The following PEX14 variants were observed in gnomAD, a reference collection of about 807,000 sequenced individuals.
PEX14 encodes peroxisomal biogenesis factor 14, also known as peroxisomal membrane protein PEX14.
In PEX14, 15 loss-of-function variants were observed where a neutral mutation model predicts 49.5. That is an observed-to-expected ratio of 0.30 (90% CI 0.20 to 0.47). The LOEUF (loss-of-function observed/expected upper bound fraction) is 0.47. Ranked by LOEUF, PEX14 falls within the 20% of genes least tolerant of loss-of-function variation. The pLI, the probability that PEX14 is intolerant of heterozygous loss-of-function variation, is 1.00. For missense variants in PEX14, 398 were observed against 494.8 expected (o/e 0.80, Z 1.86); for synonymous variants, 210 against 212.7 (o/e 0.99, Z 0.11).
At chr1:10,617,719 C>G (rs1570358221) in intron 4 of PEX14, among the ~76,000 whole-genome samples, 2 of 152,190 alleles carry the variant, frequency 1.3e-5, no homozygotes, top group African/African-American at 4.8e-5. Flanking sequence ...ACCCCCATCC[C>G]TTTTGATAGG....
rs927431636 is a variant in PEX14, at chr1:10,514,967, C to T, written c.84+19646C>T. Among the ~76,000 whole-genome samples the T allele has an allele frequency of 6.6e-6, 1 of 152,128 alleles. No individual in the cohort carries two copies. The highest frequency in any genetic ancestry group is 1.5e-5 in the Non-Finnish European group (1 of 68,024). On this transcript the variant is annotated intron_variant, in intron 2 of 8. Coordinates refer to ENST00000356607, the MANE Select transcript of PEX14 (RefSeq NM_004565.3). This position sits in a 1 kb window ranked among gnomAD's most constrained non-coding sequence, Gnocchi z 4.4. ...AAAGGAGGGAGAAAATCTCCTTGGG[C>T]AAATGCTTGCCACTCCCCTGCCGCC...
chr1:10,573,965 G>T (rs150384468), intron 3 of PEX14, among the ~76,000 whole-genome samples: 1 of 152,202 alleles, frequency 6.6e-6, no homozygotes, highest in Non-Finnish European at 1.5e-5. Context: ...ACTGGGTGTT[G>T]TGGTGCATAC....
chr1:10,543,555 G>A (rs1464321315), intron 3 of PEX14, among the ~76,000 whole-genome samples: 2 of 152,164 alleles, frequency 1.3e-5, no homozygotes, highest in African/African-American at 4.8e-5. Flanking sequence ...GGATTGGCGT[G>A]TGAGGAAAAA....
chr1:10,488,318 G>A (rs1489884535), intron 1 of PEX14, among the ~76,000 whole-genome samples: 3 of 151,640 alleles, frequency 2.0e-5, no homozygotes, highest in African/African-American at 7.3e-5. Context: ...CACCATGCTC[G>A]GCTAATTTTT....
intron 2 of PEX14, among the ~76,000 whole-genome samples, chr1:10,530,937 T>C (rs1638631803): frequency 6.6e-6 from 1 of 152,246 alleles, no homozygotes; most frequent in Non-Finnish European, 1.5e-5. Context: ...TCTTCTACTC[T>C]GGTTTAGGAT....
At chr1:10,577,545 TATATATATATATATATA>T (rs1465633818) in intron 3 of PEX14, among the ~76,000 whole-genome samples, 45 of 6,542 alleles carry the variant, frequency 6.9e-3, no homozygotes, top group East Asian at 0.018. Context: ...TATATATATA[TATATATATATATATATA>T]TTTTTTTTTT....
intron 3 of PEX14, among the ~76,000 whole-genome samples, chr1:10,553,099 C>A (rs1046846695): frequency 6.6e-6 from 1 of 152,080 alleles, no homozygotes; most frequent in Non-Finnish European, 1.5e-5. Context: ...TTCATGCTAG[C>A]GTTTTAGAAA....
At chr1:10,534,394 CT>C (rs1434069052) in intron 2 of PEX14, among the ~76,000 whole-genome samples, 4 of 152,050 alleles carry the variant, frequency 2.6e-5, no homozygotes, top group Non-Finnish European at 4.4e-5. Context: ...CCTTTTCCCC[CT>C]CTCTCCTGTT....
At chr1:10,511,723 A>T (rs1216874728) in intron 2 of PEX14, among the ~76,000 whole-genome samples, 5 of 151,600 alleles carry the variant, frequency 3.3e-5, no homozygotes, top group Non-Finnish European at 7.4e-5. Flanking sequence ...GGACTGTGAG[A>T]CCTCTGACTT....
intron 2 of PEX14, among the ~76,000 whole-genome samples, chr1:10,521,962 C>T (rs998108921): frequency 5.3e-5 from 8 of 152,170 alleles, no homozygotes; most frequent in Non-Finnish European, 7.3e-5. Context: ...AGTGGGCCCA[C>T]GTCACACACT....
In PEX14 at chr1:10,576,494, C is replaced by T. The variant is rs149552379; in HGVS notation, c.170-22744C>T. On this transcript the variant is annotated intron_variant, in intron 3 of 8. Coordinates refer to ENST00000356607, the MANE Select transcript of PEX14 (RefSeq NM_004565.3). ...GTGATTTAAATATTCATCCACATTT[C>T]GTTTTAGTTTTTATGGTTTACGTTT... Among the ~76,000 whole-genome samples the T allele has an allele frequency of 7.9e-4, 120 of 152,212 alleles. 2 individuals are homozygous for T. In the East Asian group the frequency reaches 0.02, roughly 25 times the overall value.
rs548931712 is a variant in PEX14 at position 10,476,413 on chromosome 1, A to T, written c.36+1411A>T. 3.9e-5 allele frequency among the ~76,000 whole-genome samples: 6 copies of T among 152,348 alleles called. No individual in the cohort carries two copies. The South Asian group carries it at 1.2e-3, about 32-fold the overall frequency. On this transcript the variant is annotated intron_variant, in intron 1 of 8. Coordinates refer to ENST00000356607, the MANE Select transcript of PEX14 (RefSeq NM_004565.3). Reference sequence around the variant, plus strand: ...CTTACCACATTTAGTTTGCTGAAATACTAAGGCATCTTGGGGTCTGGGTTT... The same window carrying T: ...CTTACCACATTTAGTTTGCTGAAATTCTAAGGCATCTTGGGGTCTGGGTTT...
In PEX14 at chr1:10,495,402, T is replaced by G; in HGVS notation, c.84+81T>G. The G allele has an allele frequency of 8.6e-7, 1 of 1,163,174 alleles. No individual in the cohort carries two copies. The highest frequency in any genetic ancestry group is 1.3e-6 in the Non-Finnish European group (1 of 786,092). The allele number at this position is 1,163,174 out of a possible 1,614,324, so 72.1% of individuals were successfully genotyped here. A position where few individuals can be genotyped will look rare whatever the true frequency, so the allele number is the denominator to read the frequency against. Reference sequence around the variant, plus strand: ...GAAAAGAAACCTTCTGTTCCTATGGTTCTGCGTCAGTAGTGTCCCTTTAAA... The same window carrying G: ...GAAAAGAAACCTTCTGTTCCTATGGGTCTGCGTCAGTAGTGTCCCTTTAAA... On this transcript the variant is annotated intron_variant, in intron 2 of 8. Transcript: ENST00000356607. The surrounding 1 kb of genome is among the most constrained non-coding windows in gnomAD (Gnocchi z 4.2).
chr1:10,602,365 C>T lies in PEX14; in HGVS notation c.298+2999C>T, dbSNP rs540073839. ...TACCGTTACATTGCTCCTCTCACTC[C>T]GGGGGTGACTCTACCTCTTCACTTC... On this transcript the variant is annotated intron_variant, in intron 4 of 8. Transcript: ENST00000356607. Among the ~76,000 whole-genome samples, 7 of 151,586 alleles carry T rather than the reference C, an allele frequency of 4.6e-5. No homozygotes were observed. In the East Asian group the frequency reaches 7.7e-4, roughly 17 times the overall value.
chr1:10,630,060 C>T lies in PEX14; in HGVS notation c.*73C>T, dbSNP rs569419986. 5.0e-6 allele frequency: 8 copies of T among 1,588,386 alleles called. No individual in the cohort carries two copies. In the African/African-American group the frequency reaches 8.1e-5, roughly 16 times the overall value. On this transcript the variant is annotated 3_prime_UTR_variant, in exon 9 of 9. Transcript: ENST00000356607. The surrounding 1 kb of genome is among the most constrained non-coding windows in gnomAD (Gnocchi z 4.1). ...GTGCGTGGCCATACCCTGCCTCCCT[C>T]TCTGGCCCTGGGAGGGCAGCTTGGA... is the stretch of plus-strand genomic sequence containing the variant.
intron 2 of PEX14, among the ~76,000 whole-genome samples, chr1:10,530,689 T>G (rs1638624934): frequency 6.6e-6 from 1 of 152,236 alleles, no homozygotes; most frequent in Admixed American, 6.5e-5. Flanking sequence ...ATTGGGCCCT[T>G]GGCGTCCCTG....
intron 3 of PEX14, among the ~76,000 whole-genome samples, chr1:10,548,906 C>T (rs1639253805): frequency 6.6e-6 from 1 of 152,160 alleles, no homozygotes; most frequent in Admixed American, 6.5e-5. Flanking sequence ...CAGAACTCTC[C>T]CCTCTCATCA....
At chr1:10,573,194 CTATA>C (rs1640030027) in intron 3 of PEX14, among the ~76,000 whole-genome samples, 1 of 152,222 alleles carries the variant, frequency 6.6e-6, no homozygotes, top group Admixed American at 6.5e-5. Flanking sequence ...TGGCGCGTAA[CTATA>C]TATTTTATTC....
At chr1:10,562,362 AAG>A (rs1262388608) in intron 3 of PEX14, among the ~76,000 whole-genome samples, 1 of 152,206 alleles carries the variant, frequency 6.6e-6, no homozygotes, top group Non-Finnish European at 1.5e-5. Flanking sequence ...TTTATAGAAA[AAG>A]AAAAAGATTT....
Sources: allele counts gnomAD v4.1 joint callset (sites outside exome capture counted in the v4.1 genomes callset), GRCh38; gene constraint gnomAD v4.1.1; non-coding constraint Gnocchi (gnomAD v3.1); transcripts MANE v1.5; gene names NCBI Gene and HGNC (gene_info 2026-07-23, HGNC 2026-07-21).